Variants in TRIM5 observed in about 807,000 individuals in gnomAD.
The protein encoded by TRIM5 is tripartite motif containing 5.
Under a neutral mutation model 35.6 loss-of-function variants are expected in TRIM5, and 31 were observed. That is an observed-to-expected ratio of 0.87 (90% confidence interval 0.65 to 1.18). The LOEUF (loss-of-function observed/expected upper bound fraction) is 1.18, where lower values mean the gene tolerates loss of function less well. Among genes scored for constraint, TRIM5 ranks in the 50% most tolerant of loss-of-function variants. The pLI, the probability that TRIM5 is intolerant of heterozygous loss-of-function variation, is 0.00. For synonymous variants in TRIM5, 243 were observed against 215.6 expected (o/e 1.13, Z -1.11); for missense variants, 609 against 591.6 (o/e 1.03, Z -0.31).
the TRIM5 span, chr11:5,642,926 G>A: frequency 6.4e-7 from 1 of 1,572,980 alleles, no homozygotes; most frequent in Non-Finnish European, 8.7e-7. Context: ...TCTGATCTTA[G>A]CCTCATGCAT....
the TRIM5 span, among the ~76,000 whole-genome samples, chr11:5,592,155 G>A: frequency 0.019 from 2,844 of 152,244 alleles, 79 homozygotes; most frequent in African/African-American, 0.064. Context: ...CTATATTTAA[G>A]TGACTAGCTT....
chr11:5,635,004 A>G, the TRIM5 span: 8 of 809,306 alleles, frequency 9.9e-6, no homozygotes, highest in East Asian at 2.0e-4. Context: ...ATGGACATGA[A>G]TGACATTTTT....
chr11:5,679,794 C>G lies in TRIM5; in HGVS notation c.384G>C (p.Thr128=). 6.2e-7 allele frequency: 1 copy of G among 1,608,930 alleles called. No homozygotes were observed. The highest frequency in any genetic ancestry group is 2.2e-5 in the East Asian group (1 of 44,820). The part of the protein sequence containing the change: ...ERSQEHRGHH[T]FLTEEVAREY... Reference sequence around the variant, plus strand: ...CCCGGGCAACCTCCTCTGTGAGGAACGTGTGGTGACCACGGTGCTCCTGAG... The same window carrying G: ...CCCGGGCAACCTCCTCTGTGAGGAAGGTGTGGTGACCACGGTGCTCCTGAG... The change falls in exon 2 of 8, where the codon ACG becomes ACC. Residue 128 remains threonine (T), a synonymous_variant. Coordinates refer to ENST00000380034, the MANE Select transcript of TRIM5 (RefSeq NM_033034.3).
chr11:5,606,951 C>G, the TRIM5 span, among the ~76,000 whole-genome samples: 1 of 152,212 alleles, frequency 6.6e-6, no homozygotes, highest in South Asian at 2.1e-4. Flanking sequence ...CGCCTGTAAT[C>G]CCAGCACTTT....
intron 2 of TRIM5, among the ~76,000 whole-genome samples, chr11:5,679,413 A>C (rs1228567810): frequency 1.3e-5 from 2 of 152,148 alleles, no homozygotes; most frequent in Non-Finnish European, 2.9e-5. Flanking sequence ...CCTAGAAGAA[A>C]AAACTAATCC....
At chr11:5,643,125 A>ATATATATAT in the TRIM5 span, 959 of 973,826 alleles carry the variant, frequency 9.8e-4, 6 homozygotes, top group Non-Finnish European at 1.1e-3. Context: ...ATATATATAT[A>ATATATATAT]TTTTTTTTTT....
At chr11:5,666,332 G>A (rs10769167) in intron 5 of TRIM5, 15 of 506,948 alleles carry the variant, frequency 3.0e-5, no homozygotes, top group East Asian at 1.4e-4. Context: ...CTTCTAAAAT[G>A]AAATAATTAA....
At chr11:5,674,386 A>G (rs1161686041) in intron 4 of TRIM5, among the ~76,000 whole-genome samples, 8 of 152,228 alleles carry the variant, frequency 5.3e-5, no homozygotes, top group Non-Finnish European at 1.0e-4. Flanking sequence ...AAAGAAGAAA[A>G]AGACTCATGG....
chr11:5,609,871 C>T, the TRIM5 span, among the ~76,000 whole-genome samples: 7 of 151,976 alleles, frequency 4.6e-5, no homozygotes, highest in Non-Finnish European at 2.9e-5. Context: ...TGCAGTGAGC[C>T]GAGATCGTGC....
rs1850911952 is a variant in TRIM5 at position 5,663,574 on chromosome 11, A to G, written c.*1235T>C. On this transcript the variant is annotated 3_prime_UTR_variant, in exon 8 of 8. Coordinates refer to ENST00000380034, the MANE Select transcript of TRIM5 (RefSeq NM_033034.3). The stretch of plus-strand genomic sequence containing the variant: ...CACTTAGATAGATGCTTTATACTTC[A>G]GGAATTTATTTTTTCACAATGATCC... 1 of 971,870 alleles carries G rather than the reference A, an allele frequency of 1.0e-6. No homozygotes were observed. Among genetic ancestry groups the G allele is most frequent in the African/African-American group, 1.8e-5 (1 of 57,008 alleles). The allele number at this position is 971,870 out of a possible 1,614,324, so 60.2% of individuals were successfully genotyped here. A position where few individuals can be genotyped will look rare whatever the true frequency, so the allele number is the denominator to read the frequency against.
At chr11:5,604,475 T>C in the TRIM5 span, 1 of 1,547,868 alleles carries the variant, frequency 6.5e-7, no homozygotes, top group South Asian at 1.2e-5. Flanking sequence ...TCATTCTATG[T>C]CTGGGTACTG....
chr11:5,621,444 C>G, the TRIM5 span, among the ~76,000 whole-genome samples: 12 of 152,306 alleles, frequency 7.9e-5, no homozygotes, highest in African/African-American at 2.6e-4. Flanking sequence ...TAAGTACATG[C>G]CCATGGAAAT....
rs142944303 is a variant in TRIM5, at chr11:5,667,960, T to A, written c.745-249A>T. Reference sequence around the variant, plus strand: ...GCTCCTGGTTTCTGCAGATGGGACATGTTTAGAAGGAAAAGAAGTGACTGA... The same window carrying A: ...GCTCCTGGTTTCTGCAGATGGGACAAGTTTAGAAGGAAAAGAAGTGACTGA... On this transcript the variant is annotated intron_variant, in intron 4 of 7. Coordinates refer to ENST00000380034, the MANE Select transcript of TRIM5 (RefSeq NM_033034.3). Among the ~76,000 whole-genome samples, 671 of 152,358 alleles carry A rather than the reference T, an allele frequency of 4.4e-3. 7 individuals carry two copies. The highest frequency in any genetic ancestry group is 0.016 in the African/African-American group (652 of 41,578).
chr11:5,596,767 G>A, the TRIM5 span: 2 of 1,399,348 alleles, frequency 1.4e-6, no homozygotes, highest in Non-Finnish European at 2.0e-6. Flanking sequence ...GTGCGTGGTT[G>A]AGTTTAGATA....
chr11:5,641,096 T>G, the TRIM5 span: 1 of 1,529,172 alleles, frequency 6.5e-7, no homozygotes, highest in Non-Finnish European at 8.8e-7. Context: ...TTTCCTACTG[T>G]TCTTCTTTCT....
downstream of TRIM5, among the ~76,000 whole-genome samples, chr11:5,658,315 G>C (rs769060204): frequency 6.6e-6 from 1 of 152,186 alleles, no homozygotes; most frequent in Admixed American, 6.5e-5. Flanking sequence ...CCCAACTCCA[G>C]GGAAATCCAC....
chr11:5,643,806 C>T, the TRIM5 span: 1 of 1,469,148 alleles, frequency 6.8e-7, no homozygotes, highest in Non-Finnish European at 9.1e-7. Flanking sequence ...TGTGGTTTCC[C>T]TTCTTTAGAA....
chr11:5,647,301 C>G, the TRIM5 span, among the ~76,000 whole-genome samples: 1 of 152,098 alleles, frequency 6.6e-6, no homozygotes, highest in Non-Finnish European at 1.5e-5. Flanking sequence ...AAGATGTCAC[C>G]TTTTCATACT....
the TRIM5 span, chr11:5,603,119 A>G: frequency 2.8e-6 from 4 of 1,454,198 alleles, no homozygotes; most frequent in Admixed American, 2.5e-5. Flanking sequence ...AACGTATTGG[A>G]TATGAGAATG....
Sources: gnomAD v4.1 joint callset for allele counts (sites outside exome capture counted in the v4.1 genomes callset) on GRCh38, gnomAD v4.1.1 for gene constraint, MANE v1.5 for transcripts, NCBI Gene and HGNC (gene_info 2026-07-23, HGNC 2026-07-21) for gene names.